Variants in ERC1 observed in about 807,000 individuals in gnomAD.
ERC1 encodes the protein ELKS/RAB6-interacting/CAST family member 1.
In ERC1, 56 loss-of-function variants were observed where a neutral mutation model predicts 132.0. That is an observed-to-expected ratio of 0.42 (90% confidence interval 0.34 to 0.53). ERC1 has a LOEUF of 0.53. Among genes scored for constraint, ERC1 ranks in the 20% least tolerant of loss-of-function variants. The probability of loss-of-function intolerance (pLI) is 0.03; values close to 1 mark genes in which losing one functional copy is unlikely to be tolerated. For missense variants in ERC1, 1,202 were observed against 1,349.9 expected (o/e 0.89, Z 1.72); for synonymous variants, 478 against 476.1 (o/e 1.00, Z -0.05).
At chr12:1,177,708 T>C (rs1953901484) in intron 8 of ERC1, among the ~76,000 whole-genome samples, 1 of 152,188 alleles carries the variant, frequency 6.6e-6, no homozygotes. Context: ...AAAAGAAATG[T>C]TGCAGGAATT....
chr12:1,369,920 T>C (rs2087026753), intron 15 of ERC1, among the ~76,000 whole-genome samples: 1 of 151,902 alleles, frequency 6.6e-6, no homozygotes, highest in South Asian at 2.1e-4. Context: ...CAGAGTTGAG[T>C]AGACCTACAC....
chr12:1,097,383 G>A (rs1176070941), intron 3 of ERC1, among the ~76,000 whole-genome samples: 2 of 152,190 alleles, frequency 1.3e-5, no homozygotes, highest in Admixed American at 1.3e-4. Context: ...TTTAAACTCT[G>A]TTAGGCCTGG....
intron 1 of ERC1, among the ~76,000 whole-genome samples, chr12:1,021,005 T>C (rs1022242771): frequency 4.6e-5 from 7 of 152,168 alleles, no homozygotes; most frequent in African/African-American, 1.7e-4. Context: ...AGTGGCGCAG[T>C]CTGGGCTCAC....
At chr12:1,120,858 C>T (rs1183973576) in intron 7 of ERC1, among the ~76,000 whole-genome samples, 2 of 151,958 alleles carry the variant, frequency 1.3e-5, no homozygotes, top group Non-Finnish European at 2.9e-5. Flanking sequence ...GAGGACCTGC[C>T]CTTGCTCTAG....
At chr12:1,149,950 C>G (rs1005876780) in intron 8 of ERC1, among the ~76,000 whole-genome samples, 1 of 152,132 alleles carries the variant, frequency 6.6e-6, no homozygotes, top group African/African-American at 2.4e-5. Context: ...TTGAACTAAT[C>G]TCTGGGACCA....
chr12:1,418,621 TTCTTTCTTTCTTTCTTTCTTTC>T (rs1488373701), intron 17 of ERC1, among the ~76,000 whole-genome samples: 41 of 118,716 alleles, frequency 3.5e-4, no homozygotes, highest in African/African-American at 1.4e-3. Flanking sequence ...CTTTCTTTCT[TTCTTTCTTTCTTTCTTTCTTTC>T]TCTCTCTCTC....
intron 11 of ERC1, among the ~76,000 whole-genome samples, chr12:1,188,613 A>G (rs1955377941): frequency 6.6e-6 from 1 of 152,198 alleles, no homozygotes; most frequent in Non-Finnish European, 1.5e-5. Flanking sequence ...TTAAGACATA[A>G]AAGATTTTTT....
intron 17 of ERC1, among the ~76,000 whole-genome samples, chr12:1,424,036 G>A (rs561307649): frequency 9.7e-4 from 141 of 145,888 alleles, no homozygotes; most frequent in African/African-American, 3.7e-3. Context: ...GTGTATGTAC[G>A]TGTGTGTGTG....
chr12:1,064,569 T>C (rs1254101522), intron 2 of ERC1, among the ~76,000 whole-genome samples: 4 of 152,280 alleles, frequency 2.6e-5, no homozygotes, highest in Non-Finnish European at 5.9e-5. Flanking sequence ...ACTTTTTACA[T>C]TTTTTGTATA....
intron 12 of ERC1, among the ~76,000 whole-genome samples, chr12:1,231,155 T>C (rs924340163): frequency 2.0e-5 from 3 of 152,198 alleles, no homozygotes; most frequent in Non-Finnish European, 2.9e-5. Context: ...ATTTTTTTTT[T>C]TGTAATTGTA....
chr12:1,407,005 T>G (rs1439071357), intron 16 of ERC1, among the ~76,000 whole-genome samples: 1 of 152,234 alleles, frequency 6.6e-6, no homozygotes. Flanking sequence ...TATTGCTGTT[T>G]GATTTTATGC....
chr12:1,393,133 T>C (rs1476964426), intron 16 of ERC1, among the ~76,000 whole-genome samples: 1 of 152,222 alleles, frequency 6.6e-6, no homozygotes, highest in Admixed American at 6.5e-5. Flanking sequence ...CACACAGGTG[T>C]ATAGTTGGTT....
intron 14 of ERC1, among the ~76,000 whole-genome samples, chr12:1,283,139 T>G (rs772027963): frequency 6.6e-6 from 1 of 152,160 alleles, no homozygotes; most frequent in Non-Finnish European, 1.5e-5. Context: ...AGCAAAAGTT[T>G]ATTAGCTTGT....
intron 13 of ERC1, among the ~76,000 whole-genome samples, chr12:1,237,513 G>T (rs2075499675): frequency 6.6e-6 from 1 of 152,156 alleles, no homozygotes; most frequent in Non-Finnish European, 1.5e-5. Context: ...TATTATAAGT[G>T]CCAGTTAGGT....
chr12:1,083,546 A>C lies in ERC1; in HGVS notation c.1052A>C (p.Glu351Ala). 6.2e-7 allele frequency: 1 copy of C among 1,608,212 alleles called. No individual in the cohort carries two copies. The highest frequency in any genetic ancestry group is 8.5e-7 in the Non-Finnish European group (1 of 1,178,522). The change falls in exon 3 of 19, where the codon GAG becomes GCG. Residue 351 changes from glutamate to alanine, a missense_variant. Physicochemically the swap from Glu to Ala is moderately radical, Grantham distance 107 (BLOSUM62 -1). Transcript: ENST00000360905. ...MHVHHLESLL[E>A]QKEKENSMLR... ...GTTCATCACCTAGAAAGCCTTTTGGAGCAGAAGGAAAAAGAGAACAGTATG... is the reference window on the plus strand; with the variant it reads ...GTTCATCACCTAGAAAGCCTTTTGGCGCAGAAGGAAAAAGAGAACAGTATG...
chr12:1,423,696 G>A (rs936702918), intron 17 of ERC1, among the ~76,000 whole-genome samples: 7 of 152,116 alleles, frequency 4.6e-5, no homozygotes, highest in Non-Finnish European at 1.0e-4. Context: ...AACAAAAATC[G>A]GAGATTTTTC....
chr12:1,122,539 CTATCTG>C (rs1566021034), intron 7 of ERC1, among the ~76,000 whole-genome samples: 1 of 91,892 alleles, frequency 1.1e-5, no homozygotes, highest in Admixed American at 9.9e-5. Flanking sequence ...ATCTCTATCT[CTATCTG>C]TGTCTCTATC....
At chr12:1,288,863 T>TAA in intron 14 of ERC1, among the ~76,000 whole-genome samples, 1 of 152,254 alleles carries the variant, frequency 6.6e-6, no homozygotes, top group South Asian at 2.1e-4. Flanking sequence ...AATGAACAAG[T>TAA]TTATTTAAAT....
chr12:1,275,022 T>A (rs1325812211), intron 14 of ERC1, among the ~76,000 whole-genome samples: 1 of 152,068 alleles, frequency 6.6e-6, no homozygotes, highest in Non-Finnish European at 1.5e-5. Flanking sequence ...AGGTGAGTGA[T>A]TGAATAAATG....
Sources: allele counts gnomAD v4.1 joint callset (sites outside exome capture counted in the v4.1 genomes callset), GRCh38; gene constraint gnomAD v4.1.1; transcripts MANE v1.5; gene names NCBI Gene and HGNC (gene_info 2026-07-23, HGNC 2026-07-21).